Variants in TAAR2 observed in about 807,000 individuals in gnomAD.
The protein encoded by TAAR2 is trace amine associated receptor 2.
Under a neutral mutation model 25.5 loss-of-function variants are expected in TAAR2, and 30 were observed. That is an observed-to-expected ratio of 1.18 (90% confidence interval 0.88 to 1.60). The LOEUF (loss-of-function observed/expected upper bound fraction) is 1.60. Among genes scored for constraint, TAAR2 ranks in the 40% most tolerant of loss-of-function variants. TAAR2 has a pLI of 0.00. For synonymous variants in TAAR2, 150 were observed against 142.4 expected (o/e 1.05, Z -0.38); for missense variants, 481 against 416.5 (o/e 1.15, Z -1.35).
At chr6:132,623,734 T>C (rs1777408047) in intron 1 of TAAR2, among the ~76,000 whole-genome samples, 2 of 150,978 alleles carry the variant, frequency 1.3e-5, no homozygotes, top group South Asian at 4.2e-4. Flanking sequence ...AGCAAAATCC[T>C]TGTCATTCAA....
rs1402424143 is a variant in TAAR2 at position 132,624,252 on chromosome 6, A to T, written c.24T>A (p.His8Gln). The T allele has an allele frequency of 6.2e-7, 1 of 1,613,418 alleles. No homozygotes were observed. Among genetic ancestry groups the T allele is most frequent in the Non-Finnish European group, 8.5e-7 (1 of 1,179,702 alleles). MAVSSEQ[H>Q]ELSHFKRTQT... The stretch of plus-strand genomic sequence containing the variant: ...GTGTTCTTTTGAAATGTGAAAGTTC[A>T]TGTTGCTCTGATGAGACAGCCATGG... Residue 8 changes from histidine (H) to glutamine (Q), a missense_variant, in exon 1 of 2, where the codon CAT becomes CAA. Coordinates refer to ENST00000367931, the MANE Select transcript of TAAR2 (RefSeq NM_001033080.1).
chr6:132,618,747 A>G (rs548467464), intron 1 of TAAR2, among the ~76,000 whole-genome samples: 2 of 152,304 alleles, frequency 1.3e-5, no homozygotes, highest in East Asian at 3.9e-4. Flanking sequence ...AGAAAAAACA[A>G]ATTATTGAGC....
chr6:132,621,821 A>G (rs1294575091), intron 1 of TAAR2, among the ~76,000 whole-genome samples: 1 of 152,170 alleles, frequency 6.6e-6, no homozygotes, highest in Admixed American at 6.5e-5. Context: ...GGTATATCAG[A>G]TGATTATTTG....
chr6:132,618,443 T>A (rs6907047), intron 1 of TAAR2, among the ~76,000 whole-genome samples: 3 of 151,838 alleles, frequency 2.0e-5, no homozygotes, highest in Non-Finnish European at 4.4e-5. Context: ...AGTTTGAGAC[T>A]AGCCTGGCCA....
chr6:132,619,800 C>A (rs1777350936), intron 1 of TAAR2, among the ~76,000 whole-genome samples: 1 of 152,106 alleles, frequency 6.6e-6, no homozygotes, highest in Admixed American at 6.5e-5. Flanking sequence ...AGGAATGTTC[C>A]AGCAAGGATA....
rs1156767001 is a variant in TAAR2 at position 132,622,478 on chromosome 6, CTTTTTTTTTTTTTT to C, written c.60+1724_60+1737del. The stretch of plus-strand genomic sequence containing the variant: ...AAATATTCCTCTGCTTTAGTAACCA[CTTTTTTTTTTTTTT>C]TTTTTTTTTTTGAGGCGGAGTCTCC... On this transcript the variant is annotated intron_variant, in intron 1 of 1. Transcript: ENST00000367931. Among the ~76,000 whole-genome samples, 9 of 57,378 alleles carry C rather than the reference CTTTTTTTTTTTTTT, an allele frequency of 1.6e-4. 1 individual carries two copies. The Admixed American group carries it at 2.1e-3, about 14-fold the overall frequency. 37.6% of individuals were successfully genotyped at this position (57,378 alleles called of 152,430 possible). A position where few individuals can be genotyped will look rare whatever the true frequency, so the allele number is the denominator to read the frequency against.
At position 132,622,478 on chromosome 6, in the gene TAAR2, C is replaced by CTTTTTTTTTTTTTTT. The variant is rs1156767001; in HGVS notation, c.60+1723_60+1737dup. Among the ~76,000 whole-genome samples, 250 of 57,404 alleles carry CTTTTTTTTTTTTTTT rather than the reference C, an allele frequency of 4.4e-3. 45 individuals carry two copies. The highest frequency in any genetic ancestry group is 4.8e-3 in the Non-Finnish European group (163 of 33,994). 37.7% of individuals were successfully genotyped at this position (57,404 alleles called of 152,430 possible). A position where few individuals can be genotyped will look rare whatever the true frequency, so the allele number is the denominator to read the frequency against. On this transcript the variant is annotated intron_variant, in intron 1 of 1. Coordinates refer to ENST00000367931, the MANE Select transcript of TAAR2 (RefSeq NM_001033080.1). ...AAATATTCCTCTGCTTTAGTAACCA[C>CTTTTTTTTTTTTTTT]TTTTTTTTTTTTTTTTTTTTTTTTT...
chr6:132,621,096 A>G (rs192027517), intron 1 of TAAR2, among the ~76,000 whole-genome samples: 1 of 152,054 alleles, frequency 6.6e-6, no homozygotes, highest in African/African-American at 2.4e-5. Flanking sequence ...AAGCGTAGGA[A>G]ATCCAAAGCA....
chr6:132,617,897 T>C lies in TAAR2; in HGVS notation c.309A>G (p.Arg103=), dbSNP rs769195663. The C allele has an allele frequency of 1.9e-5, 31 of 1,613,942 alleles. No homozygotes were observed. The highest frequency in any genetic ancestry group is 2.5e-5 in the Non-Finnish European group (29 of 1,179,980). ...CAAAATACCAGCAGTTCTCCACCGA[T>C]CTGATCATACTATATGGCATGATGG... is the stretch of plus-strand genomic sequence containing the variant. The part of the protein sequence containing the change: ...GFTIMPYSMI[R]SVENCWYFGL... Residue 103 remains arginine, a synonymous_variant, in exon 2 of 2, where the codon AGA becomes AGG. Coordinates refer to ENST00000367931, the MANE Select transcript of TAAR2 (RefSeq NM_001033080.1).
intron 1 of TAAR2, among the ~76,000 whole-genome samples, chr6:132,622,785 A>G (rs567462491): frequency 3.0e-4 from 45 of 152,176 alleles, no homozygotes; most frequent in African/African-American, 1.1e-3. Flanking sequence ...CACCCTGCCT[A>G]GTAACCACTT....
chr6:132,621,496 T>A (rs537595142), intron 1 of TAAR2, among the ~76,000 whole-genome samples: 1 of 152,248 alleles, frequency 6.6e-6, no homozygotes, highest in East Asian at 1.9e-4. Context: ...CTCCCACTTA[T>A]GAGTGAGAAC....
chr6:132,621,114 T>C (rs1777365975), intron 1 of TAAR2, among the ~76,000 whole-genome samples: 1 of 151,810 alleles, frequency 6.6e-6, no homozygotes, highest in Admixed American at 6.6e-5. Context: ...GCAAATTTTG[T>C]TGGTTTATTT....
Position 132,618,157 on chromosome 6 carries a change from A to G in TAAR2, c.61-12T>C, listed in dbSNP as rs761622949. 38 of 1,549,860 alleles carry G rather than the reference A, an allele frequency of 2.5e-5. No individual in the cohort carries two copies. In the East Asian group the frequency reaches 8.3e-4, roughly 34 times the overall value. ...CAATTGAATTTTTCCTTCAAAAAAC[A>G]AGAACAGATAGAATTTTGTCAGAAT... On this transcript the variant is annotated splice_polypyrimidine_tract_variant and intron_variant, in intron 1 of 1. Transcript: ENST00000367931.
At chr6:132,618,602 T>C (rs1159939263) in intron 1 of TAAR2, among the ~76,000 whole-genome samples, 4 of 151,618 alleles carry the variant, frequency 2.6e-5, no homozygotes, top group South Asian at 4.2e-4. Context: ...ATTGTGCCAC[T>C]GAACTCCAAC....
intron 1 of TAAR2, among the ~76,000 whole-genome samples, chr6:132,618,697 G>C (rs189740053): frequency 1.3e-5 from 2 of 152,050 alleles, no homozygotes; most frequent in East Asian, 3.9e-4. Flanking sequence ...CCAACATTTA[G>C]GAAGCTCTTA....
chr6:132,617,502 A>G lies in TAAR2; in HGVS notation c.704T>C (p.Val235Ala), dbSNP rs747514287. ...GATGGCATGAGCATGTTTTCTGGAT[A>G]CTGCAAAAATTTTGCCATAAATCCC... is the stretch of plus-strand genomic sequence containing the variant. ...MVGIYGKIFA[V>A]SRKHAHAINN... The change falls in exon 2 of 2, where the codon GTA (valine) becomes GCA (alanine). Residue 235 changes from valine (V) to alanine (A), a missense_variant. By Grantham distance (64) the Val-to-Ala change is moderately conservative. Coordinates refer to ENST00000367931, the MANE Select transcript of TAAR2 (RefSeq NM_001033080.1). 1.2e-6 allele frequency: 2 copies of G among 1,614,046 alleles called. No individual in the cohort carries two copies. Among genetic ancestry groups the G allele is most frequent in the Non-Finnish European group, 1.7e-6 (2 of 1,179,980 alleles).
chr6:132,620,354 A>G (rs1171524082), intron 1 of TAAR2, among the ~76,000 whole-genome samples: 2 of 152,230 alleles, frequency 1.3e-5, no homozygotes, highest in Non-Finnish European at 2.9e-5. Flanking sequence ...TAGAAACACT[A>G]CCAAACTGCA....
chr6:132,618,016 T>C lies in TAAR2; in HGVS notation c.190A>G (p.Met64Val). The stretch of plus-strand genomic sequence containing the variant: ...TTGAAGTAGGAAATGGAAATTATCA[T>C]GGCAAGATTGCCAAATATTGTGATG... ...IFITIFGNLA[M>V]IISISYFKQL... Residue 64 changes from methionine (M) to valine (V), a missense_variant, in exon 2 of 2, where the codon ATG (methionine) becomes GTG (valine). Physicochemically the swap from Met to Val is conservative, Grantham distance 21 (BLOSUM62 1). Transcript: ENST00000367931. The C allele has an allele frequency of 1.2e-6, 2 of 1,614,058 alleles. No individual in the cohort carries two copies. Among genetic ancestry groups the C allele is most frequent in the Non-Finnish European group, 1.7e-6 (2 of 1,179,968 alleles).
rs1157319793 is a variant in TAAR2 at position 132,617,436 on chromosome 6, T to A, written c.770A>T (p.Asp257Val). 4 of 1,613,622 alleles carry A rather than the reference T, an allele frequency of 2.5e-6. No homozygotes were observed. Among genetic ancestry groups the A allele is most frequent in the Non-Finnish European group, 3.4e-6 (4 of 1,179,936 alleles). ...TCCTAAAGTTTTGGCAGCTTTTTTG[T>A]CTTTCTTCACTTGATTATTTTGATT... ...RENQNNQVKK[D>V]KKAAKTLGIV... The change falls in exon 2 of 2, where the codon GAC becomes GTC. Residue 257 changes from aspartate to valine, a missense_variant. Coordinates refer to ENST00000367931, the MANE Select transcript of TAAR2 (RefSeq NM_001033080.1).
Sources: gnomAD v4.1 joint callset for allele counts (sites outside exome capture counted in the v4.1 genomes callset) on GRCh38, gnomAD v4.1.1 for gene constraint, MANE v1.5 for transcripts, NCBI Gene and HGNC (gene_info 2026-07-23, HGNC 2026-07-21) for gene names.